Variants in NEK5 observed in about 807,000 individuals in gnomAD.
NEK5 encodes the protein NIMA related kinase 5.
NEK5 carries 88 observed loss-of-function variants against 109.2 expected under a neutral mutation model. That is an observed-to-expected ratio of 0.81 (90% CI 0.68 to 0.96). The LOEUF is 0.96. NEK5 is among the 40% of genes least tolerant of loss of function. The probability of loss-of-function intolerance (pLI) is 0.00; values close to 1 mark genes in which losing one functional copy is unlikely to be tolerated. For missense variants in NEK5, 834 were observed against 920.7 expected, an observed-to-expected ratio of 0.91 and a Z score of 1.22; for synonymous variants, 283 against 299.9, an observed-to-expected ratio of 0.94 and a Z score of 0.58.
intron 3 of NEK5, among the ~76,000 whole-genome samples, chr13:52,119,722 C>A (rs995718721): frequency 6.6e-6 from 1 of 152,104 alleles, no homozygotes; most frequent in African/African-American, 2.4e-5. Flanking sequence ...TAATATCTAT[C>A]TTTCAGTAGC....
intron 3 of NEK5, among the ~76,000 whole-genome samples, 162 bp downstream of exon 3, chr13:52,127,204 T>C (rs995602123): frequency 3.9e-5 from 6 of 152,160 alleles, no homozygotes. Flanking sequence ...AATGAGATCA[T>C]TGGTTGCTGT....
chr13:52,037,840 A>ATCTT (rs1593912035), intron 23 of NEK5, among the ~76,000 whole-genome samples: 1 of 151,722 alleles, frequency 6.6e-6, no homozygotes, highest in East Asian at 2.0e-4. Flanking sequence ...GGAGAATGGC[A>ATCTT]TGAACCTGGG....
At position 52,099,211 on chromosome 13, in the gene NEK5, T is replaced by A. The variant is rs529374895; in HGVS notation, c.1026+532A>T. ...TACACTTACTATGTACCCACAAAAA[T>A]TTTTTTTTTAATTAAAAAATTAAAG... On this transcript the variant is annotated intron_variant, in intron 12 of 23. Coordinates refer to ENST00000684899, the MANE Select transcript of NEK5 (RefSeq NM_001365552.1). Among the ~76,000 whole-genome samples the A allele has an allele frequency of 4.3e-3, 631 of 146,318 alleles. 5 individuals are homozygous for A. The highest frequency in any genetic ancestry group is 7.2e-3 in the Non-Finnish European group (473 of 66,152).
chr13:52,077,517 C>G (rs1954890127), intron 17 of NEK5, among the ~76,000 whole-genome samples: 1 of 152,030 alleles, frequency 6.6e-6, no homozygotes, highest in Non-Finnish European at 1.5e-5. Flanking sequence ...ATGAGTGTGG[C>G]CAACTCCCTG....
At chr13:52,050,864 C>T (rs1954499457) in intron 22 of NEK5, among the ~76,000 whole-genome samples, 1 of 151,584 alleles carries the variant, frequency 6.6e-6, no homozygotes, top group African/African-American at 2.4e-5. Context: ...GGATTACAGG[C>T]ACATGCCACC....
At chr13:52,056,818 A>G (rs1954560423) in intron 22 of NEK5, among the ~76,000 whole-genome samples, 1 of 151,736 alleles carries the variant, frequency 6.6e-6, no homozygotes, top group South Asian at 2.1e-4. Flanking sequence ...GGAAATTTAT[A>G]GCACTAAATG....
chr13:52,113,783 G>A (rs1007174853), intron 4 of NEK5, among the ~76,000 whole-genome samples: 8 of 152,140 alleles, frequency 5.3e-5, no homozygotes, highest in Non-Finnish European at 1.0e-4. Flanking sequence ...GTATTAGGAG[G>A]TATAGGGCTT....
chr13:52,078,760 A>G (rs938982663), intron 17 of NEK5, among the ~76,000 whole-genome samples: 1 of 152,206 alleles, frequency 6.6e-6, no homozygotes, highest in Non-Finnish European at 1.5e-5. Context: ...TTCAGATGAC[A>G]TGACCCTGGA....
intron 17 of NEK5, 121 bp from the exon 18 acceptor site, chr13:52,076,264 A>C: frequency 1.7e-6 from 1 of 571,996 alleles, no homozygotes; most frequent in Non-Finnish European, 3.0e-6. Flanking sequence ...AGTTAATAAT[A>C]ATTAACTAAA....
At chr13:52,063,645 C>T (rs1411854437) in intron 21 of NEK5, among the ~76,000 whole-genome samples, 5 of 139,912 alleles carry the variant, frequency 3.6e-5, no homozygotes, top group South Asian at 2.3e-4. Context: ...TCTGCCCGGC[C>T]ACCCATCGTC....
At chr13:52,128,658 G>C (rs1826573351) in intron 1 of NEK5, among the ~76,000 whole-genome samples, 1 of 152,132 alleles carries the variant, frequency 6.6e-6, no homozygotes, top group African/African-American at 2.4e-5. Context: ...GGTTCTGAGA[G>C]AGACGCATAC....
chr13:52,108,428 A>C (rs1451090743), intron 7 of NEK5, 24 bp from the exon 8 acceptor site: 1 of 1,416,638 alleles, frequency 7.1e-7, no homozygotes, highest in African/African-American at 1.4e-5. Context: ...TTAAATAATA[A>C]ATCAGCATGA....
intron 16 of NEK5, among the ~76,000 whole-genome samples, chr13:52,085,252 G>A (rs1052690115): frequency 6.6e-6 from 1 of 152,104 alleles, no homozygotes; most frequent in African/African-American, 2.4e-5. Context: ...TTCATGTAAG[G>A]CATGACTTTG....
chr13:52,045,672 G>A (rs1954452124), intron 23 of NEK5, among the ~76,000 whole-genome samples: 1 of 149,024 alleles, frequency 6.7e-6, no homozygotes, highest in Non-Finnish European at 1.5e-5. Context: ...GGCTGAGGCA[G>A]GAGAATGGCG....
intron 22 of NEK5, among the ~76,000 whole-genome samples, chr13:52,056,873 T>G (rs1954560920): frequency 6.6e-6 from 1 of 151,526 alleles, no homozygotes; most frequent in Non-Finnish European, 1.5e-5. Context: ...CACCCTAACA[T>G]CATAATTAAA....
At position 52,089,108 on chromosome 13, in the gene NEK5, A is replaced by AACAACAAC. The variant is rs372510741; in HGVS notation, c.1275+138_1275+139insGTTGTTGT. On this transcript the variant is annotated intron_variant, in intron 14 of 23. Coordinates refer to ENST00000684899, the MANE Select transcript of NEK5 (RefSeq NM_001365552.1). ...CTGTCTCAGAAAACAACAACAACAA[A>AACAACAAC]AACAAAAACAAAAAAAACTGGGGAC... is the stretch of plus-strand genomic sequence containing the variant. 2.6e-4 allele frequency: 42 copies of AACAACAAC among 159,154 alleles called. No homozygotes were observed. The African/African-American group carries it at 3.0e-3, about 12-fold the overall frequency. 9.9% of individuals were successfully genotyped at this position (159,154 alleles called of 1,614,324 possible).
At chr13:52,063,307 G>A (rs966665352) in intron 21 of NEK5, among the ~76,000 whole-genome samples, 3 of 152,216 alleles carry the variant, frequency 2.0e-5, no homozygotes, top group Admixed American at 1.3e-4. Flanking sequence ...GCTCCTAACC[G>A]CGAGTGATCT....
At chr13:52,113,729 C>T (rs1955799750) in intron 4 of NEK5, among the ~76,000 whole-genome samples, 1 of 150,386 alleles carries the variant, frequency 6.6e-6, no homozygotes, top group African/African-American at 2.5e-5. Context: ...ATGTCTTTGT[C>T]TTCCCCAAAT....
chr13:52,037,945 G>T (rs2140873244), intron 23 of NEK5, among the ~76,000 whole-genome samples: 1 of 150,740 alleles, frequency 6.6e-6, no homozygotes, highest in Non-Finnish European at 1.5e-5. Context: ...TGTGTTGAAG[G>T]TCTCACAGCT....
Sources: allele counts gnomAD v4.1 joint callset (sites outside exome capture counted in the v4.1 genomes callset), GRCh38; gene constraint gnomAD v4.1.1; transcripts MANE v1.5; gene names NCBI Gene and HGNC (gene_info 2026-07-23, HGNC 2026-07-21).